Variants in TRPM3 observed in about 807,000 individuals in gnomAD.
TRPM3 encodes long transient receptor potential channel 3.
A neutral mutation model predicts 181.2 loss-of-function variants in TRPM3; 77 were observed. The ratio of observed to expected loss-of-function variants is 0.42; its 90% CI spans 0.35 to 0.51. The LOEUF is 0.51. Among genes scored for constraint, TRPM3 ranks in the 20% least tolerant of loss-of-function variants. TRPM3 has a pLI of 0.01. For missense variants in TRPM3, 1,759 were observed against 2,196.7 expected (o/e 0.80, Z 3.98); for synonymous variants, 745 against 796.4 (o/e 0.94, Z 1.09).
rs550395332 is a variant in TRPM3 at position 71,365,379 on chromosome 9, A to T, written c.183+81274T>A. ...TTTCCAATATCCAAGTCTCATATTA[A>T]ACTGATCTTCATTTTATTTTTCTCA... On this transcript the variant is annotated intron_variant, in intron 1 of 24. Coordinates refer to the TRPM3 transcript ENST00000357533. Among the ~76,000 whole-genome samples, 64 of 152,320 alleles carry T rather than the reference A, an allele frequency of 4.2e-4. 2 individuals are homozygous for T. The highest frequency in any genetic ancestry group is 1.4e-3 in the African/African-American group (60 of 41,562).
intron 1 of TRPM3, among the ~76,000 whole-genome samples, chr9:71,279,544 C>A (rs1454656434): frequency 6.6e-6 from 1 of 152,094 alleles, no homozygotes; most frequent in African/African-American, 2.4e-5. Context: ...TGGAAAGACA[C>A]GAAGCCATTT....
intron 1 of TRPM3, among the ~76,000 whole-genome samples, chr9:71,047,287 A>G (rs2059552748): frequency 6.6e-6 from 1 of 152,212 alleles, no homozygotes; most frequent in Admixed American, 6.5e-5. Context: ...TAGATGTATA[A>G]TAAATAGAGT....
At chr9:70,619,397 C>T (rs991294913) in intron 16 of TRPM3, among the ~76,000 whole-genome samples, 6 of 135,186 alleles carry the variant, frequency 4.4e-5, no homozygotes, top group Non-Finnish European at 6.2e-5. Flanking sequence ...AGTATGTCAT[C>T]GTCGTCTTCT....
chr9:71,361,316 T>C (rs2092134937), intron 1 of TRPM3, among the ~76,000 whole-genome samples: 1 of 152,170 alleles, frequency 6.6e-6, no homozygotes, highest in Admixed American at 6.5e-5. Context: ...CTCAGGACAC[T>C]AAATACCTCT....
In TRPM3 at chr9:71,183,422, C is replaced by T. The variant is rs114913388; in HGVS notation, c.183+263231G>A. On this transcript the variant is annotated intron_variant, in intron 1 of 24. Transcript: ENST00000357533. ...GGCATTTCTCCTCTAGCCATCCAGC[C>T]CCTTTGAAAATGTCTTTCCTCTTCT... Among the ~76,000 whole-genome samples, 211 of 152,118 alleles carry T rather than the reference C, an allele frequency of 1.4e-3. 2 individuals are homozygous for T. The highest frequency in any genetic ancestry group is 4.8e-3 in the African/African-American group (201 of 41,518).
intron 1 of TRPM3, among the ~76,000 whole-genome samples, chr9:71,266,005 T>C (rs944703338): frequency 1.3e-5 from 2 of 152,214 alleles, no homozygotes; most frequent in African/African-American, 4.8e-5. Context: ...GTTTCCTCTC[T>C]GGCTGGATAA....
intron 1 of TRPM3, among the ~76,000 whole-genome samples, chr9:71,327,837 T>C (rs2089809590): frequency 6.6e-6 from 1 of 152,174 alleles, no homozygotes. Flanking sequence ...TCAGGATACA[T>C]TGACTGCTTC....
At chr9:71,117,115 C>G (rs77018990) in intron 1 of TRPM3, among the ~76,000 whole-genome samples, 1,802 of 152,268 alleles carry the variant, frequency 0.012, 38 homozygotes, top group African/African-American at 0.04. Context: ...TAGCAAGGCC[C>G]TGTTTATTTT....
intron 1 of TRPM3, among the ~76,000 whole-genome samples, chr9:71,076,728 C>T (rs746072847): frequency 1.3e-5 from 2 of 152,162 alleles, no homozygotes; most frequent in East Asian, 3.9e-4. Context: ...AATATCACAG[C>T]TCTTGAGCTT....
intron 1 of TRPM3, among the ~76,000 whole-genome samples, chr9:71,165,128 T>A (rs1339768939): frequency 2.6e-5 from 4 of 152,148 alleles, no homozygotes; most frequent in Admixed American, 2.6e-4. Context: ...GCTGACTGGG[T>A]CCAAATCTCA....
intron 25 of TRPM3, among the ~76,000 whole-genome samples, chr9:70,544,588 T>C (rs991931072): frequency 1.3e-5 from 2 of 152,208 alleles, no homozygotes; most frequent in African/African-American, 4.8e-5. Context: ...TTAGTTCACC[T>C]GATCTGTGCT....
chr9:70,620,527 C>G, intron 15 of TRPM3, among the ~76,000 whole-genome samples, 162 bp from the exon 16 acceptor site: 1 of 152,176 alleles, frequency 6.6e-6, no homozygotes, highest in East Asian at 1.9e-4. Context: ...CCATGCCCAA[C>G]TTTAAAACAA....
intron 16 of TRPM3, among the ~76,000 whole-genome samples, chr9:70,619,679 T>C (rs1226752863): frequency 6.6e-6 from 1 of 152,038 alleles, no homozygotes; most frequent in African/African-American, 2.4e-5. Context: ...CCTCCCAAAG[T>C]GCTGGGATTA....
chr9:71,016,002 C>T (rs1009322042), intron 1 of TRPM3, among the ~76,000 whole-genome samples: 2 of 151,982 alleles, frequency 1.3e-5, no homozygotes, highest in Admixed American at 6.6e-5. Context: ...TGAGGCCATC[C>T]TGTTCAACAT....
chr9:70,639,131 A>T lies in TRPM3; in HGVS notation c.1510T>A (p.Leu504Ile), dbSNP rs2133552421. 6.2e-7 allele frequency: 1 copy of T among 1,614,040 alleles called. No individual in the cohort carries two copies. The highest frequency in any genetic ancestry group is 1.1e-5 in the South Asian group (1 of 91,076). Residue 504 changes from leucine to isoleucine, a missense_variant, in exon 11 of 26, where the codon TTA (leucine) becomes ATA (isoleucine). By Grantham distance (5) the Leu-to-Ile change is conservative. Coordinates refer to ENST00000677713, the MANE Select transcript of TRPM3 (RefSeq NM_001366145.2). Reference protein sequence around the residue: ...LVLDRVDFVKLLIENGVSMHR... With the variant: ...LVLDRVDFVKILIENGVSMHR... Reference sequence around the variant, plus strand: ...ATGCTTACTCCATTCTCTATGAGTAATTTCACAAAATCCACTCTGTCCAGA... The same window carrying T: ...ATGCTTACTCCATTCTCTATGAGTATTTTCACAAAATCCACTCTGTCCAGA...
chr9:70,656,212 A>G (rs932045720), intron 9 of TRPM3, among the ~76,000 whole-genome samples: 2 of 152,228 alleles, frequency 1.3e-5, no homozygotes, highest in South Asian at 4.1e-4. Context: ...GCCAAGTACT[A>G]TAAAGTGTCA....
At chr9:70,829,899 A>G (rs1478057942) in intron 5 of TRPM3, among the ~76,000 whole-genome samples, 1 of 152,200 alleles carries the variant, frequency 6.6e-6, no homozygotes, top group Admixed American at 6.5e-5. Flanking sequence ...TAAAACATTC[A>G]TTCTACAGCA....
rs201314929 is a variant in TRPM3 at position 71,235,162 on chromosome 9, T to C, written c.183+211491A>G. The stretch of plus-strand genomic sequence containing the variant: ...CCTGCAGGGCCTTTGCTAATGCTGT[T>C]CTTTGCATTGTTCTTCTGCTATATT... On this transcript the variant is annotated intron_variant, in intron 1 of 24. Coordinates refer to the TRPM3 transcript ENST00000357533. Among the ~76,000 whole-genome samples the C allele has an allele frequency of 7.9e-5, 12 of 152,350 alleles. No homozygotes were observed. In the East Asian group the frequency reaches 2.3e-3, roughly 29 times the overall value.
chr9:70,661,380 A>T (rs1431252442), intron 9 of TRPM3, among the ~76,000 whole-genome samples: 2 of 152,178 alleles, frequency 1.3e-5, no homozygotes, highest in Non-Finnish European at 2.9e-5. Flanking sequence ...AACAGGAACA[A>T]GACAAGGATG....
Sources: allele counts gnomAD v4.1 joint callset (sites outside exome capture counted in the v4.1 genomes callset), GRCh38; gene constraint gnomAD v4.1.1; transcripts MANE v1.5; gene names NCBI Gene and HGNC (gene_info 2026-07-23, HGNC 2026-07-21).